Variants in DSCAML1 observed in about 807,000 individuals in gnomAD.
DSCAML1 encodes DS cell adhesion molecule like 1.
Under a neutral mutation model 200.5 loss-of-function variants are expected in DSCAML1, and 38 were observed. The observed-to-expected ratio is 0.19, with a 90% CI of 0.15 to 0.25. The LOEUF (loss-of-function observed/expected upper bound fraction) is 0.25, where lower values mean the gene tolerates loss of function less well. Ranked by LOEUF, DSCAML1 falls within the 10% of genes least tolerant of loss-of-function variation. DSCAML1 has a pLI of 1.00. For missense variants in DSCAML1, 2,223 were observed against 2,858.8 expected, an observed-to-expected ratio of 0.78 and a Z score of 5.07; for synonymous variants, 1,215 against 1,165.0, an observed-to-expected ratio of 1.04 and a Z score of -0.87.
intron 3 of DSCAML1, among the ~76,000 whole-genome samples, chr11:117,546,523 C>T (rs941381499): frequency 6.6e-6 from 1 of 152,210 alleles, no homozygotes; most frequent in Admixed American, 6.5e-5. Context: ...CCACCAACTC[C>T]TAACTGCCCA....
chr11:117,519,044 G>A (rs917869964), intron 6 of DSCAML1, among the ~76,000 whole-genome samples: 1 of 152,160 alleles, frequency 6.6e-6, no homozygotes, highest in Admixed American at 6.5e-5. Context: ...CATGGACGGA[G>A]GATGGGGATA....
chr11:117,771,991 A>T (rs1028679375), intron 3 of DSCAML1, among the ~76,000 whole-genome samples: 1 of 152,120 alleles, frequency 6.6e-6, no homozygotes, highest in Non-Finnish European at 1.5e-5. Flanking sequence ...GAAATAACGG[A>T]CTAGGACGCA....
chr11:117,693,500 C>A lies in DSCAML1; in HGVS notation c.511+83291G>T, dbSNP rs796687034. The stretch of plus-strand genomic sequence containing the variant: ...GTCAAGGATCAAGCCCTGCACCCCC[C>A]CATTTGACATCTCCCTCCAGGTACA... On this transcript the variant is annotated intron_variant, in intron 3 of 32. Coordinates refer to ENST00000651296, the MANE Select transcript of DSCAML1 (RefSeq NM_020693.4). Among the ~76,000 whole-genome samples, 4 of 152,188 alleles carry A rather than the reference C, an allele frequency of 2.6e-5. No individual in the cohort carries two copies. In the South Asian group the frequency reaches 8.3e-4, roughly 32 times the overall value.
intron 3 of DSCAML1, among the ~76,000 whole-genome samples, chr11:117,561,806 G>A (rs547555157): frequency 6.6e-6 from 1 of 152,358 alleles, no homozygotes; most frequent in African/African-American, 2.4e-5. Flanking sequence ...CATTGCAACT[G>A]CCACTTATGT....
chr11:117,710,193 A>C (rs982010097), intron 3 of DSCAML1, among the ~76,000 whole-genome samples: 4 of 152,222 alleles, frequency 2.6e-5, no homozygotes, highest in African/African-American at 9.6e-5. Flanking sequence ...TTCTCTGCTC[A>C]CTGAGATGTC....
intron 3 of DSCAML1, among the ~76,000 whole-genome samples, chr11:117,677,975 T>C (rs1198970290): frequency 1.3e-5 from 2 of 152,154 alleles, no homozygotes; most frequent in African/African-American, 4.8e-5. Context: ...GGCTGTGCGG[T>C]GTGTCCTAGA....
rs747632000 is a variant in DSCAML1 at position 117,437,289 on chromosome 11, C to T, written c.4553G>A (p.Arg1518Gln). Residue 1518 changes from arginine to glutamine, a missense_variant, in exon 26 of 33, where the codon CGG becomes CAG. Arg to Gln is a conservative substitution (Grantham distance 43). Around this residue, in one of 7 missense-constraint regions of DSCAML1, gnomAD observed 614 missense variants for 739.1 expected, o/e 0.83. Coordinates refer to ENST00000651296, the MANE Select transcript of DSCAML1 (RefSeq NM_020693.4). This position sits in a 1 kb window ranked among gnomAD's most constrained non-coding sequence, Gnocchi z 5.3. ...CPITAIVLEY[R>Q]PKGTWAWQGL... ...CTGCCAGGCCCAGGTCCCCTTGGGC[C>T]GGTACTCCAGAACGATGGCTGTGAT... The T allele has an allele frequency of 2.5e-6, 4 of 1,614,222 alleles. No individual in the cohort carries two copies. The highest frequency in any genetic ancestry group is 1.3e-5 in the African/African-American group (1 of 75,054).
chr11:117,542,950 C>T (rs1482693425), intron 3 of DSCAML1, among the ~76,000 whole-genome samples: 1 of 152,218 alleles, frequency 6.6e-6, no homozygotes, highest in Non-Finnish European at 1.5e-5. Context: ...TTTGGCTAAC[C>T]CCTTCCCCGT....
rs117647861 is a variant in DSCAML1, at chr11:117,740,469, G to A, written c.511+36322C>T. Among the ~76,000 whole-genome samples, 76 of 152,214 alleles carry A rather than the reference G, an allele frequency of 5.0e-4. No individual in the cohort carries two copies. The East Asian group carries it at 0.013, about 26-fold the overall frequency. ...CTTTCAGTGCTAAAACCTGAGTCCT[G>A]GGAGAACCAGGACAAGCTGGTCACC... On this transcript the variant is annotated intron_variant, in intron 3 of 32. Transcript: ENST00000651296.
intron 1 of DSCAML1, among the ~76,000 whole-genome samples, chr11:117,815,307 G>A (rs2055795710): frequency 6.6e-6 from 1 of 152,206 alleles, no homozygotes; most frequent in African/African-American, 2.4e-5. Flanking sequence ...TTTGTCTTGT[G>A]TCTGTTTTTT....
At chr11:117,571,453 T>C (rs775916171) in intron 3 of DSCAML1, among the ~76,000 whole-genome samples, 10 of 152,314 alleles carry the variant, frequency 6.6e-5, no homozygotes, top group South Asian at 2.1e-4. Flanking sequence ...CTCTGGACTC[T>C]GTCCAGCACT....
At chr11:117,748,744 A>G (rs1394965128) in intron 3 of DSCAML1, among the ~76,000 whole-genome samples, 1 of 152,136 alleles carries the variant, frequency 6.6e-6, no homozygotes, top group Non-Finnish European at 1.5e-5. Context: ...TGCCCTACTG[A>G]CCCCTGCTCA....
chr11:117,810,983 G>C (rs1299246589), intron 1 of DSCAML1, among the ~76,000 whole-genome samples: 1 of 152,024 alleles, frequency 6.6e-6, no homozygotes, highest in East Asian at 1.9e-4. Context: ...GACCAAGCTA[G>C]GTCCCATTTC....
At chr11:117,436,102 G>A (rs1467760349) in intron 26 of DSCAML1, among the ~76,000 whole-genome samples, 1 of 152,246 alleles carries the variant, frequency 6.6e-6, no homozygotes, top group Non-Finnish European at 1.5e-5. Flanking sequence ...CTCATTCCCA[G>A]AGAGTGGATT....
intron 3 of DSCAML1, among the ~76,000 whole-genome samples, chr11:117,682,210 C>T (rs570031056): frequency 4.6e-5 from 7 of 152,332 alleles, no homozygotes; most frequent in South Asian, 2.1e-4. Context: ...TTCAGCCACA[C>T]GTGAGATGCA....
intron 11 of DSCAML1, among the ~76,000 whole-genome samples, chr11:117,495,089 G>A (rs556168263): frequency 3.9e-4 from 59 of 152,308 alleles, no homozygotes; most frequent in South Asian, 2.1e-3. Context: ...TCAGTGCAGA[G>A]TGCCCAGGGA....
chr11:117,675,470 A>ATTTT lies in DSCAML1; in HGVS notation c.511+101317_511+101320dup, dbSNP rs533948278. Among the ~76,000 whole-genome samples the ATTTT allele has an allele frequency of 2.5e-3, 244 of 96,916 alleles. 2 individuals are homozygous for ATTTT. The highest frequency in any genetic ancestry group is 0.01 in the African/African-American group (217 of 20,728). The allele number at this position is 96,916 out of a possible 152,430, so 63.6% of individuals were successfully genotyped here. A position where few individuals can be genotyped will look rare whatever the true frequency, so the allele number is the denominator to read the frequency against. On this transcript the variant is annotated intron_variant, in intron 3 of 32. Transcript: ENST00000651296. Reference sequence around the variant, plus strand: ...GTGCCCCTATGCCTGGCTGATTGAAATTTTTTTTTTTTTTTTTTTTTTTTT... The same window carrying ATTTT: ...GTGCCCCTATGCCTGGCTGATTGAAATTTTTTTTTTTTTTTTTTTTTTTTTTTTT...
chr11:117,609,114 G>A (rs570369927), intron 3 of DSCAML1, among the ~76,000 whole-genome samples: 1 of 151,716 alleles, frequency 6.6e-6, no homozygotes, highest in Admixed American at 6.6e-5. Flanking sequence ...CAGGACAATC[G>A]CTTGAACCTA....
At chr11:117,719,962 C>T (rs921931144) in intron 3 of DSCAML1, among the ~76,000 whole-genome samples, 1 of 152,210 alleles carries the variant, frequency 6.6e-6, no homozygotes, top group African/African-American at 2.4e-5. Context: ...CCCCCTAACC[C>T]TGAACATATG....
Sources: allele counts gnomAD v4.1 joint callset (sites outside exome capture counted in the v4.1 genomes callset), GRCh38; gene constraint gnomAD v4.1.1; regional missense constraint gnomAD v4.1.1; non-coding constraint Gnocchi (gnomAD v3.1); transcripts MANE v1.5; gene names NCBI Gene and HGNC (gene_info 2026-07-23, HGNC 2026-07-21).